The following SLC24A2 variants were observed in gnomAD, a reference collection of about 807,000 sequenced individuals.
The protein encoded by SLC24A2 is sodium/potassium/calcium exchanger 2.
SLC24A2 carries 36 observed loss-of-function variants against 62.0 expected under a neutral mutation model. That is an observed-to-expected ratio of 0.58 (90% confidence interval 0.44 to 0.77). The LOEUF (loss-of-function observed/expected upper bound fraction) is 0.77. Among genes scored for constraint, SLC24A2 ranks in the 30% least tolerant of loss-of-function variants. The probability of loss-of-function intolerance (pLI) is 0.00; values close to 1 mark genes in which losing one functional copy is unlikely to be tolerated. For synonymous variants in SLC24A2, 358 were observed against 294.0 expected, an observed-to-expected ratio of 1.22 and a Z score of -2.23; for missense variants, 846 against 817.9, an observed-to-expected ratio of 1.03 and a Z score of -0.42.
the SLC24A2 span, among the ~76,000 whole-genome samples, chr9:20,053,240 A>G: frequency 2.0e-5 from 3 of 152,098 alleles, no homozygotes; most frequent in Non-Finnish European, 2.9e-5. Flanking sequence ...CAGCCATCCT[A>G]TAAATAATTA....
the SLC24A2 span, among the ~76,000 whole-genome samples, chr9:20,187,403 C>A: frequency 7.9e-5 from 12 of 152,300 alleles, no homozygotes; most frequent in African/African-American, 2.9e-4. Context: ...CCTGACCCCC[C>A]GTTGCTTACT....
the SLC24A2 span, among the ~76,000 whole-genome samples, chr9:19,872,775 T>C: frequency 6.6e-6 from 1 of 152,192 alleles, no homozygotes; most frequent in Admixed American, 6.5e-5. Flanking sequence ...TGATTGACAA[T>C]GCAGGATTTT....
chr9:19,596,421 T>C (rs1836704408), intron 5 of SLC24A2, among the ~76,000 whole-genome samples: 1 of 152,176 alleles, frequency 6.6e-6, no homozygotes, highest in Non-Finnish European at 1.5e-5. Context: ...AGTCGCAGTA[T>C]GTATGGGATG....
intron 5 of SLC24A2, among the ~76,000 whole-genome samples, chr9:19,591,597 G>T (rs1232853776): frequency 6.6e-6 from 1 of 152,134 alleles, no homozygotes; most frequent in African/African-American, 2.4e-5. Flanking sequence ...AAATCACTTT[G>T]ACCCTTCCTC....
the SLC24A2 span, among the ~76,000 whole-genome samples, chr9:20,000,146 T>C: frequency 7.9e-5 from 12 of 152,248 alleles, no homozygotes; most frequent in Non-Finnish European, 1.6e-4. Flanking sequence ...TAATAATTCC[T>C]ACTTTAAAAG....
chr9:20,262,192 G>T, the SLC24A2 span, among the ~76,000 whole-genome samples: 2 of 152,132 alleles, frequency 1.3e-5, no homozygotes, highest in African/African-American at 4.8e-5. Context: ...CTTACTCAGG[G>T]TTTTACTTAT....
the SLC24A2 span, among the ~76,000 whole-genome samples, chr9:19,851,788 C>T: frequency 6.6e-6 from 1 of 152,144 alleles, no homozygotes; most frequent in Non-Finnish European, 1.5e-5. Context: ...TTGCAATGAA[C>T]ATACAAGTGC....
At chr9:19,678,023 T>C (rs1819609820) in intron 2 of SLC24A2, among the ~76,000 whole-genome samples, 1 of 152,158 alleles carries the variant, frequency 6.6e-6, no homozygotes, top group African/African-American at 2.4e-5. Context: ...TGGTCTTAAA[T>C]CTTATCTCTG....
chr9:20,145,193 C>A, the SLC24A2 span, among the ~76,000 whole-genome samples: 1 of 152,126 alleles, frequency 6.6e-6, no homozygotes, highest in Non-Finnish European at 1.5e-5. Context: ...TATAGGTGCC[C>A]CCAATACTGG....
At chr9:19,671,529 A>G (rs1218035641) in intron 2 of SLC24A2, among the ~76,000 whole-genome samples, 5 of 152,084 alleles carry the variant, frequency 3.3e-5, no homozygotes, top group Admixed American at 1.3e-4. Flanking sequence ...CTCTTTACCA[A>G]TTTGGATGCC....
chr9:20,046,918 C>CT, the SLC24A2 span, among the ~76,000 whole-genome samples: 1 of 152,002 alleles, frequency 6.6e-6, no homozygotes, highest in Non-Finnish European at 1.5e-5. Flanking sequence ...ACCCAGGATT[C>CT]TTTTTTTTCC....
chr9:20,219,241 G>C, the SLC24A2 span, among the ~76,000 whole-genome samples: 2 of 152,172 alleles, frequency 1.3e-5, no homozygotes, highest in African/African-American at 4.8e-5. Context: ...GATGAGCTGA[G>C]GGAGGACTCA....
chr9:19,962,883 T>C, the SLC24A2 span, among the ~76,000 whole-genome samples: 1 of 152,288 alleles, frequency 6.6e-6, no homozygotes, highest in African/African-American at 2.4e-5. Context: ...TGGCCAGAAC[T>C]TCCAACACTA....
chr9:20,107,101 C>G, the SLC24A2 span, among the ~76,000 whole-genome samples: 1 of 152,180 alleles, frequency 6.6e-6, no homozygotes, highest in East Asian at 1.9e-4. Flanking sequence ...ACAATTGCTT[C>G]AAAGAGAATA....
the SLC24A2 span, among the ~76,000 whole-genome samples, chr9:20,114,664 G>A: frequency 5.9e-5 from 9 of 152,140 alleles, no homozygotes; most frequent in Admixed American, 5.9e-4. Context: ...AATATAATGA[G>A]TATCTACCAT....
rs536617129 is a variant in SLC24A2, at chr9:19,536,145, CT to C, written c.1480-8008del. Among the ~76,000 whole-genome samples, 684 of 114,524 alleles carry C rather than the reference CT, an allele frequency of 6.0e-3. 6 individuals carry two copies. Among genetic ancestry groups the C allele is most frequent in the East Asian group, 0.055 (216 of 3,924 alleles). The allele number at this position is 114,524 out of a possible 152,430, so 75.1% of individuals were successfully genotyped here. Reference sequence around the variant, plus strand: ...ACTCATGATTTGGCTCTCTGTTTGTCTTTTTTTTTTTTATCTGATTCTAAGA... The same window carrying C: ...ACTCATGATTTGGCTCTCTGTTTGTCTTTTTTTTTTTATCTGATTCTAAGA... On this transcript the variant is annotated intron_variant, in intron 8 of 10. Coordinates refer to ENST00000341998, the MANE Select transcript of SLC24A2 (RefSeq NM_020344.4).
chr9:19,761,258 T>A (rs1822316890), intron 2 of SLC24A2, among the ~76,000 whole-genome samples: 2 of 152,070 alleles, frequency 1.3e-5, no homozygotes, highest in Admixed American at 1.3e-4. Flanking sequence ...ATGGTTGAAC[T>A]AATTTACACT....
chr9:20,157,602 C>G, the SLC24A2 span, among the ~76,000 whole-genome samples: 3 of 151,626 alleles, frequency 2.0e-5, no homozygotes, highest in Admixed American at 2.0e-4. Context: ...AGGTTGCAAC[C>G]AGTAACTCTC....
chr9:19,672,325 C>T (rs529042486), intron 2 of SLC24A2, among the ~76,000 whole-genome samples: 3 of 146,336 alleles, frequency 2.1e-5, no homozygotes, highest in Middle Eastern at 3.4e-3. Context: ...CTAGTTTATG[C>T]ATGTAGAGGT....
Sources: allele counts gnomAD v4.1 joint callset (sites outside exome capture counted in the v4.1 genomes callset), GRCh38; gene constraint gnomAD v4.1.1; transcripts MANE v1.5; gene names NCBI Gene and HGNC (gene_info 2026-07-23, HGNC 2026-07-21).